TRPC5OS: variants seen among roughly 807,000 people sequenced by gnomAD.
TRPC5OS encodes putative uncharacterized protein TRPC5OS.
For missense variants in TRPC5OS, 64 were observed against 79.3 expected (o/e 0.81, Z 0.73); for synonymous variants, 30 against 29.3 (o/e 1.02, Z -0.08).
rs1237881472 is a variant in TRPC5OS at position 111,896,461 on chromosome X, C to G, written c.-345C>G. On this transcript the variant is annotated 5_prime_UTR_variant, in exon 3 of 4. Coordinates refer to ENST00000635763, the MANE Select transcript of TRPC5OS (RefSeq NM_001195578.2). ...TCTGCAAATTGTTTAATAGGCCGAG[C>G]CTTGATATCCGCATCCCTCTCAGCT... The G allele has an allele frequency of 9.1e-6, 1 of 109,803 alleles. No homozygotes were observed. Among genetic ancestry groups the G allele is most frequent in the African/African-American group, 3.3e-5 (1 of 30,154 alleles). The allele number at this position is 109,803 out of a possible 1,213,427, so 9.0% of individuals were successfully genotyped here.
chrX:111,878,828 T>C (rs942176373), intron 1 of TRPC5OS, among the ~76,000 whole-genome samples: 1 of 111,790 alleles, frequency 8.9e-6, no homozygotes, highest in African/African-American at 3.3e-5. Flanking sequence ...TGAGAAACAC[T>C]ATTACCCAGT....
intron 1 of TRPC5OS, among the ~76,000 whole-genome samples, 165 bp downstream of exon 1, chrX:111,876,438 G>A (rs758369072): frequency 7.3e-4 from 81 of 111,255 alleles, no homozygotes; most frequent in Admixed American, 2.5e-3. Flanking sequence ...TATTGGGCAC[G>A]CCGTACCCCT....
At chrX:111,899,980 C>T (rs1259465576) in intron 3 of TRPC5OS, among the ~76,000 whole-genome samples, 2 of 110,420 alleles carry the variant, frequency 1.8e-5, no homozygotes, top group African/African-American at 6.6e-5. Flanking sequence ...AGGACAAACC[C>T]CATGTGTACT....
intron 1 of TRPC5OS, among the ~76,000 whole-genome samples, chrX:111,880,639 A>G (rs1330582825): frequency 1.8e-5 from 2 of 112,391 alleles, no homozygotes; most frequent in Non-Finnish European, 3.8e-5. Context: ...GATGACAAAA[A>G]TGATTAGTTG....
At chrX:111,881,145 T>A (rs867665080) in intron 1 of TRPC5OS, among the ~76,000 whole-genome samples, 2 of 95,025 alleles carry the variant, frequency 2.1e-5, no homozygotes, top group South Asian at 8.1e-4. Flanking sequence ...GATTTTCTTT[T>A]GTTTATTTTA....
At chrX:111,896,386 T>C (rs909437146) in intron 2 of TRPC5OS, 21 bp from the exon 3 acceptor site, 1 of 107,025 alleles carries the variant, frequency 9.3e-6, no homozygotes, top group Non-Finnish European at 1.9e-5. Flanking sequence ...GGGGCGGGTG[T>C]GGTTTTTTTT....
At chrX:111,898,807 G>T (rs1925196744) in intron 3 of TRPC5OS, among the ~76,000 whole-genome samples, 1 of 110,432 alleles carries the variant, frequency 9.1e-6, no homozygotes, top group African/African-American at 3.3e-5. Context: ...AGGTTGAGGG[G>T]TAAGAAATCT....
At chrX:111,890,918 T>C (rs928788795) in intron 1 of TRPC5OS, among the ~76,000 whole-genome samples, 1 of 111,197 alleles carries the variant, frequency 9.0e-6, no homozygotes, top group South Asian at 3.9e-4. Context: ...CTCCTTTATG[T>C]GTCCATGTGT....
At position 111,901,602 on chromosome X, in the gene TRPC5OS, C is replaced by T; in HGVS notation, c.-248C>T. ...CCTGATGGTCATTATAACAGCAGTT[C>T]ACCATTAGTACAAACAAGAGTACCA... On this transcript the variant is annotated 5_prime_UTR_variant, in exon 4 of 4. Coordinates refer to ENST00000635763, the MANE Select transcript of TRPC5OS (RefSeq NM_001195578.2). 1 of 249,341 alleles carries T rather than the reference C, an allele frequency of 4.0e-6. No homozygotes were observed. Among genetic ancestry groups the T allele is most frequent in the East Asian group, 6.6e-5 (1 of 15,197 alleles). The allele number at this position is 249,341 out of a possible 1,213,427, so 20.5% of individuals were successfully genotyped here. A position where few individuals can be genotyped will look rare whatever the true frequency, so the allele number is the denominator to read the frequency against.
chrX:111,899,401 T>A (rs1212674707), intron 3 of TRPC5OS, among the ~76,000 whole-genome samples: 1 of 111,597 alleles, frequency 9.0e-6, no homozygotes. Flanking sequence ...TATTCCAATT[T>A]TTTTCCAGTT....
intron 1 of TRPC5OS, among the ~76,000 whole-genome samples, chrX:111,892,839 C>T (rs1924867299): frequency 8.9e-6 from 1 of 111,763 alleles, no homozygotes; most frequent in African/African-American, 3.3e-5. Flanking sequence ...CAGCTATTCA[C>T]TAGTCATGAT....
At chrX:111,901,479 C>G (rs1925341544) in intron 3 of TRPC5OS, 61 bp from the exon 4 acceptor site, 1 of 119,075 alleles carries the variant, frequency 8.4e-6, no homozygotes. Context: ...GTAGCCATAG[C>G]CTGTAGGATG....
chrX:111,900,973 G>A (rs749156463), intron 3 of TRPC5OS, among the ~76,000 whole-genome samples: 10 of 111,309 alleles, frequency 9.0e-5, no homozygotes, highest in African/African-American at 2.9e-4. Context: ...ACACGCAGAT[G>A]AAAATAGTAC....
chrX:111,896,609 C>G (rs1308056494), intron 3 of TRPC5OS, 114 bp downstream of exon 3: 4 of 111,361 alleles, frequency 3.6e-5, no homozygotes, highest in Non-Finnish European at 7.5e-5. Context: ...GGGGACTGAT[C>G]TGCCTAAGTC....
rs1281439712 is a variant in TRPC5OS at position 111,902,890 on chromosome X, AAT to A, written c.*706_*707del. The A allele has an allele frequency of 8.9e-6, 1 of 112,016 alleles. No homozygotes were observed. The highest frequency in any genetic ancestry group is 2.8e-4 in the East Asian group (1 of 3,574). The allele number at this position is 112,016 out of a possible 1,213,427, so 9.2% of individuals were successfully genotyped here. A position where few individuals can be genotyped will look rare whatever the true frequency, so the allele number is the denominator to read the frequency against. On this transcript the variant is annotated 3_prime_UTR_variant, in exon 4 of 4. Coordinates refer to ENST00000635763, the MANE Select transcript of TRPC5OS (RefSeq NM_001195578.2). Reference sequence around the variant, plus strand: ...AGCTACTTTGCACTATTATTCCCCAAATGGAAAAGGCACACTATACCAAATAA... The same window carrying A: ...AGCTACTTTGCACTATTATTCCCCAAGGAAAAGGCACACTATACCAAATAA...
intron 1 of TRPC5OS, among the ~76,000 whole-genome samples, chrX:111,877,816 A>G (rs1422174813): frequency 9.0e-6 from 1 of 111,600 alleles, no homozygotes; most frequent in Non-Finnish European, 1.9e-5. Context: ...GGTTGGCTGT[A>G]AAAAGAAACC....
intron 2 of TRPC5OS, 97 bp from the exon 3 acceptor site, chrX:111,896,310 T>TTTACTCTCTGAAATGTTGG (rs1556579231): frequency 9.1e-6 from 1 of 110,073 alleles, no homozygotes; most frequent in African/African-American, 3.4e-5. Flanking sequence ...GAAAGGGCTC[T>TTTACTCTCTGAAATGTTGG]TTAATCTCGT....
At chrX:111,899,371 T>C (rs1321594168) in intron 3 of TRPC5OS, among the ~76,000 whole-genome samples, 1 of 111,756 alleles carries the variant, frequency 8.9e-6, no homozygotes, top group African/African-American at 3.3e-5. Context: ...CAATAAAAAT[T>C]TGATGAATCA....
chrX:111,897,254 G>A (rs1925111224), intron 3 of TRPC5OS, among the ~76,000 whole-genome samples: 1 of 111,117 alleles, frequency 9.0e-6, no homozygotes, highest in African/African-American at 3.3e-5. Context: ...AAGAAAAGTG[G>A]GTTTTACAGT....
Sources: gnomAD v4.1 joint callset for allele counts (sites outside exome capture counted in the v4.1 genomes callset) on GRCh38, gnomAD v4.1.1 for gene constraint, MANE v1.5 for transcripts, NCBI Gene and HGNC (gene_info 2026-07-23, HGNC 2026-07-21) for gene names.